The following NPC1L1 variants were observed in gnomAD, a reference collection of about 807,000 sequenced individuals.
The protein encoded by NPC1L1 is NPC1 like intracellular cholesterol transporter 1, also known as NPC1-like intracellular cholesterol transporter 1.
NPC1L1 carries 98 observed loss-of-function variants against 117.0 expected under a neutral mutation model. That is an observed-to-expected ratio of 0.84 (90% CI 0.71 to 0.99). The LOEUF (loss-of-function observed/expected upper bound fraction) is 0.99. NPC1L1 is among the 50% of genes least tolerant of loss of function. The probability of loss-of-function intolerance (pLI) is 0.00; values close to 1 mark genes in which losing one functional copy is unlikely to be tolerated. For synonymous variants in NPC1L1, 729 were observed against 727.6 expected, an observed-to-expected ratio of 1.00 and a Z score of -0.03; for missense variants, 1,540 against 1,710.0, an observed-to-expected ratio of 0.90 and a Z score of 1.75.
At position 44,513,300 on chromosome 7, in the gene NPC1L1, G is replaced by A; in HGVS notation, c.*147C>T. On this transcript the variant is annotated 3_prime_UTR_variant, in exon 19 of 19. Transcript: ENST00000381160. ...GTGGTGCTGCCTGGATACCTCAAGA[G>A]CAGGCCATCCTCCAGTGACAGGCAG... The A allele has an allele frequency of 2.6e-6, 2 of 770,970 alleles. No individual in the cohort carries two copies. The highest frequency in any genetic ancestry group is 2.0e-5 in the Admixed American group (1 of 49,488). 47.8% of individuals were successfully genotyped at this position (770,970 alleles called of 1,614,324 possible).
chr7:44,513,653 C>T lies in NPC1L1; in HGVS notation c.3797-4G>A, dbSNP rs141009677. On this transcript the variant is annotated splice_region_variant and splice_polypyrimidine_tract_variant and intron_variant, in intron 18 of 18. Transcript: ENST00000381160. ...AGAGCCGGGTTAACGTCAGGCCCTG[C>T]GGAGAGACAGAGAACCACAGTCAGA... 8.4e-5 allele frequency: 135 copies of T among 1,611,790 alleles called. No individual in the cohort carries two copies. Among genetic ancestry groups the T allele is most frequent in the Non-Finnish European group, 9.2e-5 (109 of 1,179,978 alleles).
intron 10 of NPC1L1, among the ~76,000 whole-genome samples, chr7:44,523,473 AC>A (rs1334900333): frequency 6.6e-6 from 1 of 151,726 alleles, no homozygotes; most frequent in Non-Finnish European, 1.5e-5. Context: ...AGTAGCAGCT[AC>A]CCATTTGCCA....
chr7:44,533,621 T>C (rs953147233), intron 7 of NPC1L1, 63 bp from the exon 8 acceptor site: 21 of 1,613,324 alleles, frequency 1.3e-5, no homozygotes, highest in Non-Finnish European at 1.8e-5. Context: ...TAGCCGACAT[T>C]GACAGGGTGC....
intron 2 of NPC1L1, among the ~76,000 whole-genome samples, chr7:44,537,188 G>A (rs1801926638): frequency 6.6e-6 from 1 of 152,224 alleles, no homozygotes; most frequent in African/African-American, 2.4e-5. Flanking sequence ...CCCACGGAGT[G>A]AGTTGGAGCT....
At chr7:44,522,335 G>A (rs1801386643) in intron 10 of NPC1L1, 93 bp from the exon 11 acceptor site, 1 of 1,231,518 alleles carries the variant, frequency 8.1e-7, no homozygotes, top group Non-Finnish European at 1.2e-6. Flanking sequence ...ACACACAGAG[G>A]TACATGCTAA....
chr7:44,532,610 A>G (rs1255439599), intron 8 of NPC1L1, among the ~76,000 whole-genome samples: 3 of 152,218 alleles, frequency 2.0e-5, no homozygotes, highest in Admixed American at 2.0e-4. Context: ...GACCCTCATG[A>G]TGATCCACTT....
In NPC1L1 at chr7:44,539,092, G is replaced by A; in HGVS notation, c.1305C>T (p.Ile435=). Residue 435 remains isoleucine, a synonymous_variant, in exon 2 of 19, where the codon ATC becomes ATT. Coordinates refer to ENST00000381160, the MANE Select transcript of NPC1L1 (RefSeq NM_001101648.2). This position sits in a 1 kb window ranked among gnomAD's most constrained non-coding sequence, Gnocchi z 4.4. The part of the protein sequence containing the change: ...LLLGPKNFSG[I]LDLDLLLELL... ...GCTCCAGCAGCAAGTCCAGGTCCAG[G>A]ATTCCGCTGAAGTTCTTGGGCCCCA... 1 of 1,614,076 alleles carries A rather than the reference G, an allele frequency of 6.2e-7. No homozygotes were observed. The highest frequency in any genetic ancestry group is 1.1e-5 in the South Asian group (1 of 91,078).
Position 44,535,820 on chromosome 7 carries a change from G to A in NPC1L1, c.1983+20C>T. 6.2e-7 allele frequency: 1 copy of A among 1,612,286 alleles called. No individual in the cohort carries two copies. Among genetic ancestry groups the A allele is most frequent in the South Asian group, 1.1e-5 (1 of 90,984 alleles). ...GGGTCCTGGGCTAGCCCACTTAGCT[G>A]TGTCCCTCCCGCTTCTCACCATCAC... On this transcript the variant is annotated intron_variant, in intron 5 of 18. Transcript: ENST00000381160.
chr7:44,514,883 C>T (rs564766272), intron 18 of NPC1L1, among the ~76,000 whole-genome samples: 61 of 149,898 alleles, frequency 4.1e-4, no homozygotes, highest in African/African-American at 1.4e-3. Flanking sequence ...CGTGGTGGTG[C>T]GCACCTGTAA....
At chr7:44,540,438 T>C in intron 1 of NPC1L1, 96 bp from the exon 2 acceptor site, 1 of 1,099,356 alleles carries the variant, frequency 9.1e-7, no homozygotes, top group Non-Finnish European at 1.4e-6. Flanking sequence ...AAGAAGGACA[T>C]GGAGCAGGGG....
chr7:44,515,876 G>A lies in NPC1L1; in HGVS notation c.3723C>T (p.Arg1241=). The A allele has an allele frequency of 6.2e-7, 1 of 1,614,190 alleles. No homozygotes were observed. Among genetic ancestry groups the A allele is most frequent in the Non-Finnish European group, 8.5e-7 (1 of 1,180,026 alleles). ...KAQLIQIFFF[R]LNLLITLLGL... ...CCAGCAGAGTGATCAGGAGGTTGAG[G>A]CGGAAGAAGAAGATCTGAATGAGCT... The change falls in exon 18 of 19, where the codon CGC becomes CGT. Residue 1241 remains arginine (R), a synonymous_variant. Coordinates refer to ENST00000381160, the MANE Select transcript of NPC1L1 (RefSeq NM_001101648.2).
chr7:44,535,164 A>G (rs1801834251), intron 5 of NPC1L1, among the ~76,000 whole-genome samples: 1 of 152,128 alleles, frequency 6.6e-6, no homozygotes, highest in Non-Finnish European at 1.5e-5. Context: ...CCAGGAGTTC[A>G]AGACCAGTCT....
In NPC1L1 at chr7:44,538,062, G is replaced by A. The variant is rs1801954338; in HGVS notation, c.1580+755C>T. Among the ~76,000 whole-genome samples the A allele has an allele frequency of 6.6e-6, 1 of 152,230 alleles. No homozygotes were observed. The highest frequency in any genetic ancestry group is 1.5e-5 in the Non-Finnish European group (1 of 68,036). On this transcript the variant is annotated intron_variant, in intron 2 of 18. Coordinates refer to ENST00000381160, the MANE Select transcript of NPC1L1 (RefSeq NM_001101648.2). This position sits in a 1 kb window ranked among gnomAD's most constrained non-coding sequence, Gnocchi z 5.9. ...TTCCAGGGTCTGTAAGGTCAGAACT[G>A]TTTTCATAATAACACTAAGATGCTA... is the stretch of plus-strand genomic sequence containing the variant.
rs1802019773 is a variant in NPC1L1, at chr7:44,539,618, GCA to G, written c.777_778del (p.Ala260CysfsTer67). 2 of 1,613,926 alleles carry G rather than the reference GCA, an allele frequency of 1.2e-6. No individual in the cohort carries two copies. The highest frequency in any genetic ancestry group is 2.2e-5 in the East Asian group (1 of 44,880). Reference sequence around the variant, plus strand: ...GCGGGCTATGGCAGGACAGGATGCAGCACAGTCTTGGCAGGAGCAGGTCGCCA... The same window carrying G: ...GCGGGCTATGGCAGGACAGGATGCAGCAGTCTTGGCAGGAGCAGGTCGCCA... On this transcript the variant is annotated frameshift_variant, in exon 2 of 19. Coordinates refer to ENST00000381160, the MANE Select transcript of NPC1L1 (RefSeq NM_001101648.2). LOFTEE classifies it high-confidence loss of function. This position sits in a 1 kb window ranked among gnomAD's most constrained non-coding sequence, Gnocchi z 4.4.
intron 10 of NPC1L1, 69 bp from the exon 11 acceptor site, chr7:44,522,311 A>C: frequency 2.8e-6 from 4 of 1,430,026 alleles, no homozygotes; most frequent in Non-Finnish European, 3.9e-6. Context: ...AATCCAGCTC[A>C]CACTCTCGAA....
rs534728947 is a variant in NPC1L1, at chr7:44,518,459, C to T, written c.3137-1102G>A. 60 of 227,532 alleles carry T rather than the reference C, an allele frequency of 2.6e-4. 1 individual carries two copies. In the South Asian group the frequency reaches 2.7e-3, roughly 10 times the overall value. 14.1% of individuals were successfully genotyped at this position (227,532 alleles called of 1,614,324 possible). ...TGCTGGGATTACAGGTGTGAGCCAC[C>T]GCACCTGGCCCAAAAAGGTTGTTTC... On this transcript the variant is annotated intron_variant, in intron 14 of 18. Transcript: ENST00000381160.
At position 44,532,215 on chromosome 7, in the gene NPC1L1, G is replaced by A. The variant is rs1276262919; in HGVS notation, c.2412C>T (p.Ala804=). 1 of 1,613,542 alleles carries A rather than the reference G, an allele frequency of 6.2e-7. No individual in the cohort carries two copies. The highest frequency in any genetic ancestry group is 8.5e-7 in the Non-Finnish European group (1 of 1,179,938). The change falls in exon 9 of 19, where the codon GCC becomes GCT. Residue 804 remains alanine, a splice_region_variant and synonymous_variant. Coordinates refer to ENST00000381160, the MANE Select transcript of NPC1L1 (RefSeq NM_001101648.2). ...CACAGCAGCAGACGTCCAACCGGGA[G>A]GCCTGGAGTGGGAGGCACCCCCTCA... is the stretch of plus-strand genomic sequence containing the variant. ...LLSLDSKRQE[A]SRLDVCCCVK... is the part of the protein sequence containing the mutation.
rs913665274 is a variant in NPC1L1, at chr7:44,521,934, G to A, written c.2829-98C>T. The A allele has an allele frequency of 2.9e-5, 47 of 1,597,186 alleles. No homozygotes were observed. The Middle Eastern group carries it at 1.6e-3, about 53-fold the overall frequency. On this transcript the variant is annotated intron_variant, in intron 11 of 18. Coordinates refer to ENST00000381160, the MANE Select transcript of NPC1L1 (RefSeq NM_001101648.2). ...CCCACGCAGCCCTCCCCAGGCATAC[G>A]GCAGCAAGGCAGCAGGGCAGCAGGA...
rs1801327710 is a variant in NPC1L1, at chr7:44,520,759, G to A, written c.3136+6C>T. On this transcript the variant is annotated splice_donor_region_variant and intron_variant, in intron 14 of 18. Coordinates refer to ENST00000381160, the MANE Select transcript of NPC1L1 (RefSeq NM_001101648.2). Reference sequence around the variant, plus strand: ...TGTCCTCCCCTCCAGGCAAGGCCATGCTTACCTAAAACCTGGCCATCTGAA... The same window carrying A: ...TGTCCTCCCCTCCAGGCAAGGCCATACTTACCTAAAACCTGGCCATCTGAA... 1 of 1,613,154 alleles carries A rather than the reference G, an allele frequency of 6.2e-7. No individual in the cohort carries two copies. The highest frequency in any genetic ancestry group is 1.7e-5 in the Admixed American group (1 of 59,996).
Sources: gnomAD v4.1 joint callset for allele counts (sites outside exome capture counted in the v4.1 genomes callset) on GRCh38, gnomAD v4.1.1 for gene constraint, Gnocchi (gnomAD v3.1) non-coding constraint, MANE v1.5 for transcripts, NCBI Gene and HGNC (gene_info 2026-07-23, HGNC 2026-07-21) for gene names.